The following SERPINA6 variants were observed in gnomAD, a reference collection of about 807,000 sequenced individuals.
The protein encoded by SERPINA6 is serpin family A member 6, also known as corticosteroid-binding globulin.
Under a neutral mutation model 26.4 loss-of-function variants are expected in SERPINA6, and 19 were observed. That is an observed-to-expected ratio of 0.72 (90% CI 0.50 to 1.06). The LOEUF (loss-of-function observed/expected upper bound fraction) is 1.06, where lower values mean the gene tolerates loss of function less well. Ranked by LOEUF, SERPINA6 falls within the 50% of genes least tolerant of loss-of-function variation. The pLI, the probability that SERPINA6 is intolerant of heterozygous loss-of-function variation, is 0.00. For synonymous variants in SERPINA6, 196 were observed against 199.4 expected (o/e 0.98, Z 0.14); for missense variants, 473 against 504.0 (o/e 0.94, Z 0.59).
chr14:94,306,255 G>C, intron 3 of SERPINA6, 37 bp from the exon 4 acceptor site: 1 of 1,612,822 alleles, frequency 6.2e-7, no homozygotes, highest in Non-Finnish European at 8.5e-7. Context: ...GACATTCCAG[G>C]GCTGGGCCTG....
In SERPINA6 at chr14:94,314,400, G is replaced by C. The variant is rs769026703; in HGVS notation, c.249C>G (p.Gly83=). The change falls in exon 2 of 5, where the codon GGC becomes GGG. Residue 83 remains glycine (G), a synonymous_variant. Coordinates refer to ENST00000341584, the MANE Select transcript of SERPINA6 (RefSeq NM_001756.4). ...ALAMLSLGTC[G]HTRAQLLQGL... is the part of the protein sequence containing the mutation. ...CCTGGAGAAGCTGGGCCCGTGTGTG[G>C]CCACAGGTGCCCAGGGACAGCATAG... The C allele has an allele frequency of 1.2e-6, 2 of 1,614,200 alleles. No individual in the cohort carries two copies. Among genetic ancestry groups the C allele is most frequent in the African/African-American group, 1.3e-5 (1 of 75,048 alleles).
rs1196320141 is a variant in SERPINA6, at chr14:94,314,343, C to G, written c.306G>C (p.Glu102Asp). ...GCTGGAAACCCTGGTGGATCTCAGT[C>G]TCAGACCTCTCAGTGAGGTTGAAAC... The part of the protein sequence containing the change: ...GLGFNLTERS[E>D]TEIHQGFQHL... Residue 102 changes from glutamate to aspartate, a missense_variant, in exon 2 of 5, where the codon GAG (glutamate) becomes GAC (aspartate). Physicochemically the swap from Glu to Asp is conservative, Grantham distance 45. Transcript: ENST00000341584. The G allele has an allele frequency of 1.9e-6, 3 of 1,614,116 alleles. No individual in the cohort carries two copies. Among genetic ancestry groups the G allele is most frequent in the Admixed American group, 1.7e-5 (1 of 60,008 alleles).
At chr14:94,321,891 T>G (rs1257305228) in intron 1 of SERPINA6, among the ~76,000 whole-genome samples, 1 of 152,206 alleles carries the variant, frequency 6.6e-6, no homozygotes, top group Non-Finnish European at 1.5e-5. Context: ...AATGGTAGGA[T>G]GGGCTCCCCT....
Position 94,314,787 on chromosome 14 carries a change from G to A in SERPINA6, c.-19-120C>T, listed in dbSNP as rs543766867. On this transcript the variant is annotated intron_variant, in intron 1 of 4. Transcript: ENST00000341584. Reference sequence around the variant, plus strand: ...CCCAGTTCCTTCCTCCACACTGGCTGTGTGACCTGGAGCACATCACAGAGG... The same window carrying A: ...CCCAGTTCCTTCCTCCACACTGGCTATGTGACCTGGAGCACATCACAGAGG... 1,268 of 902,498 alleles carry A rather than the reference G, an allele frequency of 1.4e-3. 14 individuals are homozygous for A. Among genetic ancestry groups the A allele is most frequent in the South Asian group, 8.7e-3 (634 of 72,674 alleles). The allele number at this position is 902,498 out of a possible 1,614,324, so 55.9% of individuals were successfully genotyped here. A position where few individuals can be genotyped will look rare whatever the true frequency, so the allele number is the denominator to read the frequency against.
intron 3 of SERPINA6, among the ~76,000 whole-genome samples, chr14:94,308,263 C>T (rs1345673197): frequency 6.6e-6 from 1 of 152,234 alleles, no homozygotes; most frequent in Non-Finnish European, 1.5e-5. Flanking sequence ...CTGTCTCTCT[C>T]AGAACTCACA....
At chr14:94,311,217 A>G (rs190888037) in intron 2 of SERPINA6, among the ~76,000 whole-genome samples, 2 of 152,110 alleles carry the variant, frequency 1.3e-5, no homozygotes, top group African/African-American at 4.8e-5. Context: ...TAGTAAACTC[A>G]CCGTCCGTCT....
intron 3 of SERPINA6, among the ~76,000 whole-genome samples, chr14:94,308,447 T>TTGAA (rs1895474277): frequency 1.3e-5 from 2 of 152,062 alleles, no homozygotes; most frequent in Non-Finnish European, 2.9e-5. Flanking sequence ...GAAATGCACA[T>TTGAA]TGAATGAATG....
chr14:94,313,003 A>G (rs936229032), intron 2 of SERPINA6, among the ~76,000 whole-genome samples: 2 of 152,222 alleles, frequency 1.3e-5, no homozygotes, highest in Non-Finnish European at 2.9e-5. Context: ...CTGAAACTCA[A>G]CCACCTGGGT....
chr14:94,314,484 C>T lies in SERPINA6; in HGVS notation c.165G>A (p.Val55=), dbSNP rs1303664033. 15 of 1,614,118 alleles carry T rather than the reference C, an allele frequency of 9.3e-6. No homozygotes were observed. The highest frequency in any genetic ancestry group is 1.3e-5 in the Non-Finnish European group (15 of 1,179,998). The change falls in exon 2 of 5, where the codon GTG becomes GTA. Residue 55 remains valine, a synonymous_variant. Coordinates refer to ENST00000341584, the MANE Select transcript of SERPINA6 (RefSeq NM_001756.4). ...AAATGTTCTTTTTGGGACTCAAGGC[C>T]ACTAGGTGCTTATACAGGCTGAAGG... The part of the protein sequence containing the change: ...DFAFSLYKHL[V]ALSPKKNIFI...
intron 1 of SERPINA6, among the ~76,000 whole-genome samples, chr14:94,320,576 C>T (rs1595577269): frequency 1.3e-5 from 2 of 152,314 alleles, no homozygotes; most frequent in Middle Eastern, 6.8e-3. Context: ...TGTTTCTTTG[C>T]TCAAATAAAC....
At chr14:94,309,371 G>A (rs957183666) in intron 3 of SERPINA6, among the ~76,000 whole-genome samples, 22 of 152,256 alleles carry the variant, frequency 1.4e-4, no homozygotes, top group Non-Finnish European at 2.4e-4. Flanking sequence ...TTAGCAGGGC[G>A]TGGTTTCAGG....
chr14:94,321,897 C>T (rs1895689046), intron 1 of SERPINA6, among the ~76,000 whole-genome samples: 1 of 152,186 alleles, frequency 6.6e-6, no homozygotes. Flanking sequence ...AGGATGGGCT[C>T]CCCTGCCAGC....
intron 1 of SERPINA6, among the ~76,000 whole-genome samples, chr14:94,321,381 C>T (rs1408700001): frequency 6.6e-6 from 1 of 152,204 alleles, no homozygotes; most frequent in African/African-American, 2.4e-5. Context: ...GTCTTTGTGA[C>T]CCAGTCCCTG....
At position 94,309,788 on chromosome 14, in the gene SERPINA6, C is replaced by A; in HGVS notation, c.832G>T (p.Ala278Ser). 1 of 1,614,170 alleles carries A rather than the reference C, an allele frequency of 6.2e-7. No homozygotes were observed. Among genetic ancestry groups the A allele is most frequent in the Middle Eastern group, 1.6e-4 (1 of 6,062 alleles). The part of the protein sequence containing the change: ...PDKGKMNTVI[A>S]ALSRDTINRW... ...TTAATCGTGTCCCGGCTCAGTGCAG[C>A]GATGACTGTGTTCATCTTCCCCTTG... Residue 278 changes from alanine (A) to serine (S), a missense_variant, in exon 3 of 5, where the codon GCT becomes TCT. Ala to Ser is a moderately conservative substitution (Grantham distance 99). Transcript: ENST00000341584.
chr14:94,309,590 C>A (rs1009029010), intron 3 of SERPINA6, 146 bp downstream of exon 3: 53 of 856,976 alleles, frequency 6.2e-5, no homozygotes, highest in East Asian at 2.5e-4. Flanking sequence ...AACTTACAGC[C>A]TTTGGGGGCC....
chr14:94,317,105 G>A (rs571849060), intron 1 of SERPINA6, among the ~76,000 whole-genome samples: 21 of 152,002 alleles, frequency 1.4e-4, no homozygotes, highest in Non-Finnish European at 2.6e-4. Context: ...TATAGATTCT[G>A]TTTCTCTGGA....
Position 94,314,305 on chromosome 14 carries a change from A to T in SERPINA6, c.344T>A (p.Leu115His), listed in dbSNP as rs113418909. The T allele has an allele frequency of 2.5e-3, 3,970 of 1,614,130 alleles. 3 individuals are homozygous for T. The highest frequency in any genetic ancestry group is 2.9e-3 in the Non-Finnish European group (3,387 of 1,180,028). Residue 115 changes from leucine to histidine, a missense_variant, in exon 2 of 5, where the codon CTC becomes CAC. By Grantham distance (99) the Leu-to-His change is moderately conservative. Coordinates refer to ENST00000341584, the MANE Select transcript of SERPINA6 (RefSeq NM_001756.4). ...IHQGFQHLHQ[L>H]FAKSDTSLEM... ...TAAGCTGGTGTCTGACTTTGCAAAG[A>T]GTTGGTGCAGGTGCTGGAAACCCTG...
intron 1 of SERPINA6, among the ~76,000 whole-genome samples, chr14:94,317,038 GTAAT>G (rs1182937842): frequency 1.4e-4 from 21 of 152,220 alleles, no homozygotes; most frequent in African/African-American, 5.1e-4. Context: ...CTCAGCTTCT[GTAAT>G]TACATAAGGC....
chr14:94,321,142 T>C (rs1226296271), intron 1 of SERPINA6, among the ~76,000 whole-genome samples: 5 of 152,140 alleles, frequency 3.3e-5, no homozygotes, highest in African/African-American at 4.8e-5. Context: ...TTCTGGTGTT[T>C]GTCTATTCTC....
Sources: allele counts gnomAD v4.1 joint callset (sites outside exome capture counted in the v4.1 genomes callset), GRCh38; gene constraint gnomAD v4.1.1; transcripts MANE v1.5; gene names NCBI Gene and HGNC (gene_info 2026-07-23, HGNC 2026-07-21).